The following YIPF7 variants were observed in gnomAD, a reference collection of about 807,000 sequenced individuals.
YIPF7 encodes the protein protein YIPF7.
A neutral mutation model predicts 27.2 loss-of-function variants in YIPF7; 35 were observed. The ratio of observed to expected loss-of-function variants is 1.29; its 90% CI spans 0.98 to 1.70. YIPF7 has a LOEUF of 1.70. YIPF7 is among the 40% of genes most tolerant of loss of function. YIPF7 has a pLI of 0.00. For synonymous variants in YIPF7, 137 were observed against 110.4 expected, an observed-to-expected ratio of 1.24 and a Z score of -1.51; for missense variants, 358 against 303.7, an observed-to-expected ratio of 1.18 and a Z score of -1.33.
chr4:44,645,766 A>G (rs1419950932), intron 2 of YIPF7, among the ~76,000 whole-genome samples: 1 of 152,166 alleles, frequency 6.6e-6, no homozygotes, highest in African/African-American at 2.4e-5. Context: ...TTTAAAAATC[A>G]CTTCAAACTA....
chr4:44,646,644 A>G (rs1396975345), intron 2 of YIPF7, among the ~76,000 whole-genome samples: 1 of 152,188 alleles, frequency 6.6e-6, no homozygotes. Flanking sequence ...TAAAAAGATA[A>G]TGATCCTACT....
At chr4:44,639,586 T>C (rs1186915711) in intron 2 of YIPF7, among the ~76,000 whole-genome samples, 1 of 152,140 alleles carries the variant, frequency 6.6e-6, no homozygotes, top group Admixed American at 6.5e-5. Context: ...GTATGTTGAA[T>C]TCATTTATTA....
At chr4:44,660,060 G>A (rs1457064993) in intron 2 of YIPF7, among the ~76,000 whole-genome samples, 4 of 136,040 alleles carry the variant, frequency 2.9e-5, no homozygotes, top group Non-Finnish European at 6.2e-5. Flanking sequence ...CTTGCAGTGA[G>A]CGGAGATTGC....
intron 3 of YIPF7, among the ~76,000 whole-genome samples, chr4:44,630,896 G>A (rs1239467086): frequency 6.6e-6 from 1 of 152,166 alleles, no homozygotes; most frequent in Admixed American, 6.5e-5. Flanking sequence ...AGTATGACTT[G>A]ACTATTTAGG....
At chr4:44,623,668 A>G (rs1296074444) in intron 5 of YIPF7, among the ~76,000 whole-genome samples, 6 of 152,252 alleles carry the variant, frequency 3.9e-5, no homozygotes, top group Non-Finnish European at 7.3e-5. Flanking sequence ...TGATTTAAAT[A>G]AAACCTATTA....
rs1232807153 is a variant in YIPF7, at chr4:44,624,745, C to T, written c.464G>A (p.Ser155Asn). 2 of 1,611,832 alleles carry T rather than the reference C, an allele frequency of 1.2e-6. No individual in the cohort carries two copies. The highest frequency in any genetic ancestry group is 1.1e-5 in the South Asian group (1 of 90,364). ...ATGAATCACAAGGCAGCCAATGGCACTCATGCCATACACATAACCAAACTG... is the reference window on the plus strand; with the variant it reads ...ATGAATCACAAGGCAGCCAATGGCATTCATGCCATACACATAACCAAACTG... ...KVQFGYVYGM[S>N]AIGCLVIHAL... is the part of the protein sequence containing the mutation. The change falls in exon 5 of 6, where the codon AGT (serine) becomes AAT (asparagine). Residue 155 changes from serine to asparagine, a missense_variant. Physicochemically the swap from Ser to Asn is conservative, Grantham distance 46. Transcript: ENST00000415895.
chr4:44,624,431 C>A (rs1168790176), intron 5 of YIPF7, among the ~76,000 whole-genome samples, 170 bp downstream of exon 5: 2 of 152,058 alleles, frequency 1.3e-5, no homozygotes, highest in Non-Finnish European at 2.9e-5. Flanking sequence ...AAGAACAGCA[C>A]CTGGGCCAAA....
At chr4:44,628,110 C>A (rs1024339958) in intron 4 of YIPF7, among the ~76,000 whole-genome samples, 4 of 152,082 alleles carry the variant, frequency 2.6e-5, no homozygotes, top group African/African-American at 7.2e-5. Context: ...CCTTACTTAG[C>A]AGTTAATCTA....
chr4:44,644,323 C>G (rs1012610149), intron 2 of YIPF7, among the ~76,000 whole-genome samples: 5 of 152,168 alleles, frequency 3.3e-5, no homozygotes, highest in African/African-American at 1.2e-4. Flanking sequence ...TATGCTAACA[C>G]TAATGATAGC....
At chr4:44,640,263 A>G (rs1190533036) in intron 2 of YIPF7, among the ~76,000 whole-genome samples, 1 of 152,148 alleles carries the variant, frequency 6.6e-6, no homozygotes, top group Non-Finnish European at 1.5e-5. Context: ...GAGGATTAGT[A>G]TTATTTCTTT....
chr4:44,652,066 G>T (rs373862135), upstream of YIPF7, among the ~76,000 whole-genome samples: 3 of 152,286 alleles, frequency 2.0e-5, no homozygotes, highest in South Asian at 2.1e-4. Context: ...CAATATTTAA[G>T]AAGACTAATT....
At chr4:44,648,472 C>T (rs1460720435) in intron 2 of YIPF7, among the ~76,000 whole-genome samples, 3 of 151,896 alleles carry the variant, frequency 2.0e-5, no homozygotes, top group Non-Finnish European at 4.4e-5. Context: ...ATTGAGGATC[C>T]AATGAATTAA....
At chr4:44,623,040 C>T (rs1189936555) in intron 5 of YIPF7, among the ~76,000 whole-genome samples, 4 of 152,122 alleles carry the variant, frequency 2.6e-5, no homozygotes, top group Non-Finnish European at 4.4e-5. Context: ...AGGTTTTTGT[C>T]GGACGTCACA....
chr4:44,655,479 T>TAG (rs1206320043), upstream of YIPF7, among the ~76,000 whole-genome samples: 3 of 151,974 alleles, frequency 2.0e-5, no homozygotes, highest in East Asian at 5.8e-4. Context: ...TGTACCTATT[T>TAG]AGGAACACTA....
At chr4:44,646,397 G>A (rs1306675556) in intron 2 of YIPF7, among the ~76,000 whole-genome samples, 1 of 152,100 alleles carries the variant, frequency 6.6e-6, no homozygotes, top group Non-Finnish European at 1.5e-5. Context: ...AATACTAGAA[G>A]ATCAGGTCTG....
chr4:44,622,958 C>A (rs947294675), intron 5 of YIPF7, among the ~76,000 whole-genome samples: 2 of 152,150 alleles, frequency 1.3e-5, no homozygotes, highest in South Asian at 2.1e-4. Flanking sequence ...TGGCCAACAG[C>A]GTAGGAGAAA....
chr4:44,629,419 C>T lies in YIPF7; in HGVS notation c.410G>A (p.Gly137Glu). The T allele has an allele frequency of 6.3e-7, 1 of 1,594,964 alleles. No homozygotes were observed. The highest frequency in any genetic ancestry group is 8.5e-7 in the Non-Finnish European group (1 of 1,170,908). Residue 137 changes from glycine to glutamate, a missense_variant, in exon 4 of 6, where the codon GGA becomes GAA. Gly to Glu is a moderately conservative substitution (Grantham distance 98). Coordinates refer to ENST00000415895, the MANE Select transcript of YIPF7 (RefSeq NM_182592.3). ...TGPILFCVAL[G>E]ATLLLAGKVQ... ...ACACATTACCAGAAGCAAGGTGGCT[C>T]CCAGGGCTACGCAAAAAAGAATGGG...
chr4:44,629,244 T>C (rs79080317), intron 4 of YIPF7, 159 bp downstream of exon 4: 11,721 of 863,350 alleles, frequency 0.014, 257 homozygotes, highest in East Asian at 0.092. Flanking sequence ...CAATGCATAA[T>C]GGTAGCATAT....
chr4:44,641,161 C>T (rs534488485), intron 2 of YIPF7, among the ~76,000 whole-genome samples: 35 of 152,236 alleles, frequency 2.3e-4, no homozygotes, highest in African/African-American at 8.4e-4. Context: ...TGGTTCTTGG[C>T]TGGTCTTGGC....
Sources: allele counts gnomAD v4.1 joint callset (sites outside exome capture counted in the v4.1 genomes callset), GRCh38; gene constraint gnomAD v4.1.1; transcripts MANE v1.5; gene names NCBI Gene and HGNC (gene_info 2026-07-23, HGNC 2026-07-21).